SLF1: variants seen among roughly 807,000 people sequenced by gnomAD.
SLF1 encodes the protein SMC5-SMC6 complex localization factor protein 1.
SLF1 carries 105 observed loss-of-function variants against 123.0 expected under a neutral mutation model. The observed-to-expected ratio is 0.85, with a 90% CI of 0.73 to 1.00. The LOEUF (loss-of-function observed/expected upper bound fraction) is 1.00. Among genes scored for constraint, SLF1 ranks in the 50% least tolerant of loss-of-function variants. The pLI, the probability that SLF1 is intolerant of heterozygous loss-of-function variation, is 0.00. For missense variants in SLF1, 1,239 were observed against 1,223.0 expected (o/e 1.01, Z -0.20); for synonymous variants, 434 against 406.6 (o/e 1.07, Z -0.81).
chr5:94,669,497 A>T (rs921438832), intron 12 of SLF1, among the ~76,000 whole-genome samples: 2 of 152,084 alleles, frequency 1.3e-5, no homozygotes, highest in African/African-American at 2.4e-5. Flanking sequence ...TATATTATAG[A>T]AGTGTGCTGT....
At chr5:94,627,725 G>A (rs962574226) in intron 1 of SLF1, among the ~76,000 whole-genome samples, 29 of 149,480 alleles carry the variant, frequency 1.9e-4, no homozygotes, top group African/African-American at 6.4e-4. Context: ...CTCCAGTAAC[G>A]TATACATATT....
intron 18 of SLF1, among the ~76,000 whole-genome samples, chr5:94,690,705 A>C (rs1000240404): frequency 6.6e-6 from 1 of 152,122 alleles, no homozygotes; most frequent in African/African-American, 2.4e-5. Context: ...TCAGTATTTC[A>C]TTTTGTTTCC....
chr5:94,625,688 C>A (rs1234979728), intron 1 of SLF1, among the ~76,000 whole-genome samples: 6 of 152,054 alleles, frequency 3.9e-5, no homozygotes, highest in African/African-American at 1.4e-4. Flanking sequence ...CGGCCAAGAC[C>A]TATCATTTTC....
At position 94,695,546 on chromosome 5, in the gene SLF1, G is replaced by C. The variant is rs564443787; in HGVS notation, c.*234G>C. 28 of 284,332 alleles carry C rather than the reference G, an allele frequency of 9.8e-5. No homozygotes were observed. The highest frequency in any genetic ancestry group is 4.4e-4 in the Admixed American group (9 of 20,494). 17.6% of individuals were successfully genotyped at this position (284,332 alleles called of 1,614,324 possible). ...CAAAAGTAAAAATAATTTTGTTTTAGTATATTCTACTTTCATTAATGTTTT... is the reference window on the plus strand; with the variant it reads ...CAAAAGTAAAAATAATTTTGTTTTACTATATTCTACTTTCATTAATGTTTT... On this transcript the variant is annotated 3_prime_UTR_variant, in exon 21 of 21. Transcript: ENST00000265140.
chr5:94,645,398 T>C (rs142091627), intron 5 of SLF1, among the ~76,000 whole-genome samples: 1 of 152,266 alleles, frequency 6.6e-6, no homozygotes, highest in East Asian at 1.9e-4. Context: ...TCACATTGCT[T>C]TTCTGTGTGG....
intron 1 of SLF1, among the ~76,000 whole-genome samples, chr5:94,620,761 C>T (rs1332439143): frequency 2.0e-5 from 3 of 152,026 alleles, no homozygotes; most frequent in Non-Finnish European, 4.4e-5. Flanking sequence ...GTATAATGTA[C>T]TATGTACTGT....
In SLF1 at chr5:94,695,058, G is replaced by C. The variant is rs746230050; in HGVS notation, c.2923G>C (p.Glu975Gln). The C allele has an allele frequency of 1.2e-6, 2 of 1,612,406 alleles. No homozygotes were observed. The highest frequency in any genetic ancestry group is 1.7e-6 in the Non-Finnish European group (2 of 1,179,094). ...NFCSIFDLSS[E>Q]FILASKGLTH... is the part of the protein sequence containing the mutation. ...TTGTTCAATTTTTGATTTATCTTCA[G>C]AGTTCATTTTAGCTTCCAAAGGGTT... The change falls in exon 21 of 21, where the codon GAG becomes CAG. Residue 975 changes from glutamate to glutamine, a missense_variant. By Grantham distance (29) the Glu-to-Gln change is conservative. Coordinates refer to ENST00000265140, the MANE Select transcript of SLF1 (RefSeq NM_032290.4).
chr5:94,628,706 T>C, intron 1 of SLF1, 105 bp from the exon 2 acceptor site: 2 of 583,498 alleles, frequency 3.4e-6, no homozygotes, highest in Admixed American at 3.8e-5. Flanking sequence ...ATTCATTGTA[T>C]GTTTAATAGT....
chr5:94,636,944 T>A (rs1745875473), intron 4 of SLF1, among the ~76,000 whole-genome samples: 1 of 152,172 alleles, frequency 6.6e-6, no homozygotes, highest in African/African-American at 2.4e-5. Flanking sequence ...GGTTTTAAAC[T>A]GCTGACCTTA....
At chr5:94,677,641 T>C (rs931869093) in intron 14 of SLF1, among the ~76,000 whole-genome samples, 2 of 152,190 alleles carry the variant, frequency 1.3e-5, no homozygotes, top group African/African-American at 4.8e-5. Flanking sequence ...TGATTTTTTT[T>C]CCTACATATC....
At chr5:94,691,534 C>T (rs1165267846) in intron 18 of SLF1, 30 bp from the exon 19 acceptor site, 1 of 1,566,038 alleles carries the variant, frequency 6.4e-7, no homozygotes, top group Non-Finnish European at 8.7e-7. Flanking sequence ...CTTGTCTTCT[C>T]TGGAATAATC....
chr5:94,663,170 A>G (rs866103181), intron 10 of SLF1, among the ~76,000 whole-genome samples: 3 of 152,234 alleles, frequency 2.0e-5, no homozygotes, highest in Non-Finnish European at 2.9e-5. Context: ...ACCAAACTGC[A>G]AATTCCTGTT....
intron 15 of SLF1, 97 bp downstream of exon 15, chr5:94,679,052 G>C: frequency 7.2e-7 from 1 of 1,392,244 alleles, no homozygotes; most frequent in Non-Finnish European, 9.8e-7. Flanking sequence ...ATGTTCATTT[G>C]AAACTTTCCT....
At chr5:94,652,637 C>G (rs1050623143) in intron 7 of SLF1, among the ~76,000 whole-genome samples, 8 of 152,034 alleles carry the variant, frequency 5.3e-5, no homozygotes, top group African/African-American at 1.9e-4. Context: ...ATGAACAATT[C>G]TGCTATGAAT....
intron 10 of SLF1, among the ~76,000 whole-genome samples, chr5:94,663,447 C>T (rs1364441958): frequency 4.6e-5 from 7 of 152,202 alleles, no homozygotes; most frequent in Admixed American, 4.6e-4. Flanking sequence ...AGTTTGAGAC[C>T]AGCCTGGCCA....
intron 1 of SLF1, chr5:94,620,122 C>T (rs1425831209): frequency 6.6e-6 from 1 of 152,272 alleles, no homozygotes; most frequent in Non-Finnish European, 1.5e-5. Context: ...TCAAGTGTTC[C>T]GCTCGCCTCG....
At chr5:94,689,724 A>G in intron 18 of SLF1, 118 bp downstream of exon 18, 1 of 848,036 alleles carries the variant, frequency 1.2e-6, no homozygotes, top group Non-Finnish European at 1.8e-6. Context: ...GACTAGGTCC[A>G]GGAAGTACCT....
chr5:94,645,070 T>C (rs774162403), intron 5 of SLF1, among the ~76,000 whole-genome samples: 38 of 152,222 alleles, frequency 2.5e-4, no homozygotes, highest in Non-Finnish European at 5.1e-4. Flanking sequence ...GGACTATGGA[T>C]AATCTCATTG....
rs749080869 is a variant in SLF1 at position 94,689,635 on chromosome 5, C to T, written c.2419+29C>T. ...TTCCAAGTATTTAAATTAATTTATG[C>T]TAAGAACTTTTCATGGTTATAGTCA... is the stretch of plus-strand genomic sequence containing the variant. On this transcript the variant is annotated intron_variant, in intron 18 of 20. Coordinates refer to ENST00000265140, the MANE Select transcript of SLF1 (RefSeq NM_032290.4). The T allele has an allele frequency of 1.9e-6, 3 of 1,580,514 alleles. No homozygotes were observed. The South Asian group carries it at 3.4e-5, about 18-fold the overall frequency.
Sources: gnomAD v4.1 joint callset for allele counts (sites outside exome capture counted in the v4.1 genomes callset) on GRCh38, gnomAD v4.1.1 for gene constraint, MANE v1.5 for transcripts, NCBI Gene and HGNC (gene_info 2026-07-23, HGNC 2026-07-21) for gene names.